Variants in UTP25 observed in about 807,000 individuals in gnomAD.
UTP25 encodes the protein U3 small nucleolar RNA-associated protein 25 homolog.
A neutral mutation model predicts 78.9 loss-of-function variants in UTP25; 50 were observed. That is an observed-to-expected ratio of 0.63 (90% CI 0.50 to 0.80). UTP25 has a LOEUF of 0.80. Ranked by LOEUF, UTP25 falls within the 30% of genes least tolerant of loss-of-function variation. UTP25 has a pLI of 0.00. For missense variants in UTP25, 846 were observed against 911.3 expected, an observed-to-expected ratio of 0.93 and a Z score of 0.92; for synonymous variants, 329 against 336.5, an observed-to-expected ratio of 0.98 and a Z score of 0.24.
chr1:209,844,814 C>G (rs2078187688), intron 11 of UTP25, among the ~76,000 whole-genome samples: 1 of 152,054 alleles, frequency 6.6e-6, no homozygotes, highest in African/African-American at 2.4e-5. Flanking sequence ...TTTTTATTTT[C>G]AATTTTCATG....
intron 4 of UTP25, among the ~76,000 whole-genome samples, chr1:209,834,108 A>T (rs2078118482): frequency 6.6e-6 from 1 of 152,158 alleles, no homozygotes; most frequent in Non-Finnish European, 1.5e-5. Context: ...GAATTTGTAG[A>T]TTTTAGTACA....
Position 209,851,671 on chromosome 1 carries a change from C to A in UTP25, c.*224C>A. 1 of 414,794 alleles carries A rather than the reference C, an allele frequency of 2.4e-6. No individual in the cohort carries two copies. The highest frequency in any genetic ancestry group is 4.1e-6 in the Non-Finnish European group (1 of 242,552). 25.7% of individuals were successfully genotyped at this position (414,794 alleles called of 1,614,324 possible). ...CCATCTTTCAGAAGTGAAGAGGGGG[C>A]TAGAAGGACTCTGAGAAGTTGGTAG... On this transcript the variant is annotated 3_prime_UTR_variant, in exon 12 of 12. Coordinates refer to ENST00000491415, the MANE Select transcript of UTP25 (RefSeq NM_014388.7).
chr1:209,856,774 T>A lies in UTP25; in HGVS notation c.*5327T>A, dbSNP rs1422963566. The A allele has an allele frequency of 6.6e-6, 1 of 152,254 alleles. No homozygotes were observed. Among genetic ancestry groups the A allele is most frequent in the Non-Finnish European group, 1.5e-5 (1 of 68,056 alleles). 9.4% of individuals were successfully genotyped at this position (152,254 alleles called of 1,614,324 possible). On this transcript the variant is annotated 3_prime_UTR_variant, in exon 12 of 12. Coordinates refer to ENST00000491415, the MANE Select transcript of UTP25 (RefSeq NM_014388.7). Reference sequence around the variant, plus strand: ...GTACTTCAGGGTTGATGCTGGCCATTTGGTGGCGTGAGGAGTGGGCACTCA... The same window carrying A: ...GTACTTCAGGGTTGATGCTGGCCATATGGTGGCGTGAGGAGTGGGCACTCA...
intron 8 of UTP25, 57 bp downstream of exon 8, chr1:209,841,112 A>C (rs960007668): frequency 1.3e-6 from 2 of 1,580,344 alleles, no homozygotes; most frequent in African/African-American, 2.7e-5. Context: ...GGGATAAGAC[A>C]CCCAGTGGTT....
rs1344878032 is a variant in UTP25, at chr1:209,850,783, G to C, written c.2028-421G>C. Among the ~76,000 whole-genome samples, 3 of 152,188 alleles carry C rather than the reference G, an allele frequency of 2.0e-5. No homozygotes were observed. The East Asian group carries it at 5.8e-4, about 29-fold the overall frequency. On this transcript the variant is annotated intron_variant, in intron 11 of 11. Coordinates refer to ENST00000491415, the MANE Select transcript of UTP25 (RefSeq NM_014388.7). ...ACTAATGGGAGTGTATTTACAATCT[G>C]TACAACTTATTTTATGTACTGGGTC...
chr1:209,833,202 G>C lies in UTP25; in HGVS notation c.406G>C (p.Asp136His). ...AACTGCAGATGTAGCTTTATCTGCT[G>C]ACCCTGAGGGAAAAGAAGATGGGGA... The part of the protein sequence containing the change: ...ESPENVALSA[D>H]PEGKEDGEEP... The change falls in exon 4 of 12, where the codon GAC becomes CAC. Residue 136 changes from aspartate (D) to histidine (H), a missense_variant. Coordinates refer to ENST00000491415, the MANE Select transcript of UTP25 (RefSeq NM_014388.7). The C allele has an allele frequency of 6.2e-7, 1 of 1,613,630 alleles. No homozygotes were observed. Among genetic ancestry groups the C allele is most frequent in the Non-Finnish European group, 8.5e-7 (1 of 1,179,808 alleles).
In UTP25 at chr1:209,843,451, GT is replaced by G. The variant is rs1450956418; in HGVS notation, c.1785del (p.Phe595LeufsTer5). 7 of 1,613,676 alleles carry G rather than the reference GT, an allele frequency of 4.3e-6. No homozygotes were observed. The highest frequency in any genetic ancestry group is 5.9e-6 in the Non-Finnish European group (7 of 1,179,802). On this transcript the variant is annotated frameshift_variant and splice_region_variant, in exon 11 of 12. Transcript: ENST00000491415. LOFTEE classifies it high-confidence loss of function. Reference sequence around the variant, plus strand: ...TTTGCCCTTTGCCATTCCAAATCAGGTTTAACTTTTTTGTGAACAAGATTTT... The same window carrying G: ...TTTGCCCTTTGCCATTCCAAATCAGGTTAACTTTTTTGTGAACAAGATTTT... ...ENLASVIDARFNFFVNKILPQ... is the reference protein window; with the variant it reads ...ENLASVIDARXNFFVNKILPQ...
chr1:209,841,416 A>T (rs576500968), intron 8 of UTP25, among the ~76,000 whole-genome samples: 1 of 152,340 alleles, frequency 6.6e-6, no homozygotes, highest in African/African-American at 2.4e-5. Context: ...ACATAATCCC[A>T]CATGTGGTTT....
Position 209,852,743 on chromosome 1 carries a change from C to G in UTP25, c.*1296C>G, listed in dbSNP as rs1200214429. 1.3e-5 allele frequency: 2 copies of G among 148,156 alleles called. No homozygotes were observed. The highest frequency in any genetic ancestry group is 3.9e-4 in the East Asian group (2 of 5,144). 9.2% of individuals were successfully genotyped at this position (148,156 alleles called of 1,614,324 possible). A position where few individuals can be genotyped will look rare whatever the true frequency, so the allele number is the denominator to read the frequency against. On this transcript the variant is annotated 3_prime_UTR_variant, in exon 12 of 12. Coordinates refer to ENST00000491415, the MANE Select transcript of UTP25 (RefSeq NM_014388.7). ...GAGTGCTTACTATTGTGGTGCCACT[C>G]ATCCCAGGCTCAGTGGTCAGAACTT...
chr1:209,850,003 A>T (rs1455967528), intron 11 of UTP25, among the ~76,000 whole-genome samples: 2 of 152,166 alleles, frequency 1.3e-5, no homozygotes, highest in African/African-American at 4.8e-5. Context: ...CAAATCCTTC[A>T]AATTAGCACC....
chr1:209,830,676 C>T, intron 2 of UTP25, 127 bp from the exon 3 acceptor site: 1 of 1,423,564 alleles, frequency 7.0e-7, no homozygotes, highest in Non-Finnish European at 9.3e-7. Flanking sequence ...AGAATCATAG[C>T]TAGATTAGCA....
intron 11 of UTP25, among the ~76,000 whole-genome samples, chr1:209,845,131 C>A (rs2078190779): frequency 6.6e-6 from 1 of 152,216 alleles, no homozygotes; most frequent in Non-Finnish European, 1.5e-5. Context: ...AGGGAGGCGT[C>A]CCAGCAGCTT....
rs776211912 is a variant in UTP25 at position 209,842,325 on chromosome 1, G to A, written c.1546G>A (p.Val516Met). Residue 516 changes from valine to methionine, a missense_variant, in exon 9 of 12, where the codon GTG becomes ATG. Transcript: ENST00000491415. ...CTCACATGGGGTAGACTTTTCTCGAGTGCGGATGTGGAGCCTCAATAATTG... is the reference window on the plus strand; with the variant it reads ...CTCACATGGGGTAGACTTTTCTCGAATGCGGATGTGGAGCCTCAATAATTG... ...LDSHGVDFSR[V>M]RMWSLNNWSK... The A allele has an allele frequency of 2.9e-5, 46 of 1,613,976 alleles. No individual in the cohort carries two copies. The highest frequency in any genetic ancestry group is 3.3e-5 in the Non-Finnish European group (39 of 1,179,998).
rs2078239285 is a variant in UTP25 at position 209,851,598 on chromosome 1, G to A, written c.*151G>A. The A allele has an allele frequency of 3.8e-6, 4 of 1,040,390 alleles. No individual in the cohort carries two copies. Among genetic ancestry groups the A allele is most frequent in the South Asian group, 4.6e-5 (2 of 43,706 alleles). The allele number at this position is 1,040,390 out of a possible 1,614,324, so 64.4% of individuals were successfully genotyped here. A position where few individuals can be genotyped will look rare whatever the true frequency, so the allele number is the denominator to read the frequency against. On this transcript the variant is annotated 3_prime_UTR_variant, in exon 12 of 12. Coordinates refer to ENST00000491415, the MANE Select transcript of UTP25 (RefSeq NM_014388.7). ...GTATTATCTGACATCTTTCTTTTCAGGTCATGTGTCCCTGAAAAGTTAAAT... is the reference window on the plus strand; with the variant it reads ...GTATTATCTGACATCTTTCTTTTCAAGTCATGTGTCCCTGAAAAGTTAAAT...
intron 8 of UTP25, among the ~76,000 whole-genome samples, chr1:209,841,933 T>G (rs1224096540): frequency 6.6e-6 from 1 of 152,232 alleles, no homozygotes; most frequent in Admixed American, 6.5e-5. Flanking sequence ...AGCTCTGTTT[T>G]CCATGGCATT....
At chr1:209,835,262 CT>C in intron 5 of UTP25, 99 bp downstream of exon 5, 1 of 987,762 alleles carries the variant, frequency 1.0e-6, no homozygotes, top group Non-Finnish European at 1.6e-6. Flanking sequence ...TGATATACAC[CT>C]GCAGTAGATG....
chr1:209,830,028 T>A, intron 1 of UTP25, 80 bp from the exon 2 acceptor site: 1 of 1,285,116 alleles, frequency 7.8e-7, no homozygotes, highest in East Asian at 2.3e-5. Context: ...TTCTGCCTTT[T>A]TCATTTAACA....
Position 209,838,909 on chromosome 1 carries a change from G to T in UTP25, c.1063G>T (p.Val355Leu). 6.2e-7 allele frequency: 1 copy of T among 1,614,002 alleles called. No homozygotes were observed. The highest frequency in any genetic ancestry group is 8.5e-7 in the Non-Finnish European group (1 of 1,179,934). The change falls in exon 7 of 12, where the codon GTA (valine) becomes TTA (leucine). Residue 355 changes from valine (V) to leucine (L), a missense_variant and splice_region_variant. Transcript: ENST00000491415. ...AAGGCTGCTGTTGCTGTCTGCACAG[G>T]TACTGATAGTGGTGCCATTCCGGGA... ...FRDQGLTRPK[V>L]LIVVPFREAA...
At chr1:209,848,808 A>G (rs2078212641) in intron 11 of UTP25, among the ~76,000 whole-genome samples, 1 of 152,200 alleles carries the variant, frequency 6.6e-6, no homozygotes, top group African/African-American at 2.4e-5. Flanking sequence ...TGTCTTCTAT[A>G]ACTTTCAATG....
Sources: gnomAD v4.1 joint callset for allele counts (sites outside exome capture counted in the v4.1 genomes callset) on GRCh38, gnomAD v4.1.1 for gene constraint, MANE v1.5 for transcripts, NCBI Gene and HGNC (gene_info 2026-07-23, HGNC 2026-07-21) for gene names.